Variants in SERINC2 observed in about 807,000 individuals in gnomAD.
SERINC2 encodes tumor differentially expressed protein 2.
Under a neutral mutation model 54.2 loss-of-function variants are expected in SERINC2, and 56 were observed. The observed-to-expected ratio is 1.03, with a 90% CI of 0.83 to 1.29. The LOEUF (loss-of-function observed/expected upper bound fraction) is 1.29, where lower values mean the gene tolerates loss of function less well. SERINC2 is among the 50% of genes most tolerant of loss of function. The pLI is 0.00. For synonymous variants in SERINC2, 272 were observed against 253.1 expected (o/e 1.07, Z -0.71); for missense variants, 614 against 607.4 (o/e 1.01, Z -0.12).
intron 8 of SERINC2, among the ~76,000 whole-genome samples, chr1:31,432,174 T>TAGGGTGGATAGGGTGGATAGGGTGGAC (rs1570070154): frequency 4.1e-5 from 1 of 24,316 alleles, no homozygotes; most frequent in Non-Finnish European, 1.5e-4. Flanking sequence ...ATAGGGTGGA[T>TAGGGTGGATAGGGTGGATAGGGTGGAC]AGGGTGGATA....
chr1:31,415,788 G>A (rs1157049473), intron 1 of SERINC2: 1 of 884,510 alleles, frequency 1.1e-6, no homozygotes, highest in East Asian at 1.2e-4. Flanking sequence ...GCAACTTCAG[G>A]AGGGATTTTT....
At chr1:31,410,270 G>C (rs966169221), upstream of SERINC2, 2 of 1,494,906 alleles carry the variant, frequency 1.3e-6, no homozygotes, top group Non-Finnish European at 1.8e-6. Flanking sequence ...GGGAGTAAAG[G>C]CTGATGGGCT....
Position 31,413,219 on chromosome 1 carries a change from CGCGCCCCGCGCCCGGCGCCGG to C in SERINC2, c.-40_-20del. The C allele has an allele frequency of 9.0e-7, 1 of 1,105,086 alleles. No homozygotes were observed. The highest frequency in any genetic ancestry group is 1.1e-6 in the Non-Finnish European group (1 of 910,188). 68.5% of individuals were successfully genotyped at this position (1,105,086 alleles called of 1,614,324 possible). On this transcript the variant is annotated 5_prime_UTR_variant, in exon 1 of 10. Coordinates refer to ENST00000373709, the MANE Select transcript of SERINC2 (RefSeq NM_178865.5). The surrounding 1 kb of genome is among the most constrained non-coding windows in gnomAD (Gnocchi z 5.0). Reference sequence around the variant, plus strand: ...GGCCCGGCACCCGGATCCCGAGGTCCGCGCCCCGCGCCCGGCGCCGGGCGCCCGAAGCCGGGAGCCGCCGCC... The same window carrying C: ...GGCCCGGCACCCGGATCCCGAGGTCCGCGCCCGAAGCCGGGAGCCGCCGCC...
At chr1:31,432,182 A>ACAGGG (rs1641309331) in intron 8 of SERINC2, among the ~76,000 whole-genome samples, 4 of 137,112 alleles carry the variant, frequency 2.9e-5, no homozygotes, top group African/African-American at 5.7e-5. Context: ...GATAGGGTGG[A>ACAGGG]TAGGGTGGTT....
Position 31,424,767 on chromosome 1 carries a change from G to C in SERINC2, c.286G>C (p.Ala96Pro), listed in dbSNP as rs782086365. The C allele has an allele frequency of 1.2e-6, 2 of 1,611,798 alleles. No homozygotes were observed. The highest frequency in any genetic ancestry group is 1.7e-5 in the Admixed American group (1 of 59,758). The change falls in exon 3 of 10, where the codon GCT (alanine) becomes CCT (proline). Residue 96 changes from alanine (A) to proline (P), a missense_variant. Ala to Pro is a conservative substitution (Grantham distance 27). Transcript: ENST00000373709. ...CTGTGGCTCCCTGCTTGGCTACCGCGCTGTCTACCGCATGTGCTTCGCCAC... is the reference window on the plus strand; with the variant it reads ...CTGTGGCTCCCTGCTTGGCTACCGCCCTGTCTACCGCATGTGCTTCGCCAC... ...IDCGSLLGYR[A>P]VYRMCFATAA...
intron 8 of SERINC2, among the ~76,000 whole-genome samples, 161 bp downstream of exon 8, chr1:31,429,699 G>A (rs1553134206): frequency 6.6e-6 from 1 of 152,224 alleles, no homozygotes; most frequent in Non-Finnish European, 1.5e-5. Flanking sequence ...GTCCCTCAGA[G>A]GGCATGGCAT....
At chr1:31,431,902 G>A (rs1641243321) in intron 8 of SERINC2, among the ~76,000 whole-genome samples, 4 of 147,752 alleles carry the variant, frequency 2.7e-5, no homozygotes, top group South Asian at 4.3e-4. Flanking sequence ...GGATAGGGTG[G>A]ATAGGGTGGA....
chr1:31,434,184 C>T lies in SERINC2; in HGVS notation c.1353C>T (p.Asn451=). The T allele has an allele frequency of 6.2e-7, 1 of 1,613,398 alleles. No individual in the cohort carries two copies. ...TGGTAGCCCCACTCCTCCTGCGCAACCGCGACTTCAGCTGAGGCAGCCTCA... is the reference window on the plus strand; with the variant it reads ...TGGTAGCCCCACTCCTCCTGCGCAATCGCGACTTCAGCTGAGGCAGCCTCA... ...WTLVAPLLLR[N]RDFS The change falls in exon 10 of 10, where the codon AAC becomes AAT. Residue 451 remains asparagine (N), a synonymous_variant. Transcript: ENST00000373709.
At chr1:31,430,643 A>G (rs1641170182) in intron 8 of SERINC2, among the ~76,000 whole-genome samples, 1 of 152,238 alleles carries the variant, frequency 6.6e-6, no homozygotes, top group East Asian at 1.9e-4. Flanking sequence ...ACATTTGCAT[A>G]ATATTGTGAA....
upstream of SERINC2, among the ~76,000 whole-genome samples, chr1:31,411,613 G>T (rs1471897326): frequency 6.6e-6 from 1 of 152,084 alleles, no homozygotes; most frequent in African/African-American, 2.4e-5. Context: ...TAGTGGGTTG[G>T]GGGTGAGGGT....
upstream of SERINC2, among the ~76,000 whole-genome samples, chr1:31,410,841 G>T (rs1230905869): frequency 6.6e-6 from 1 of 152,160 alleles, no homozygotes; most frequent in African/African-American, 2.4e-5. Flanking sequence ...ATAGGGAGGG[G>T]TTGGGGGTGA....
intron 5 of SERINC2, 121 bp downstream of exon 5, chr1:31,426,034 CT>C: frequency 9.5e-7 from 1 of 1,055,456 alleles, no homozygotes; most frequent in Non-Finnish European, 1.4e-6. Flanking sequence ...CAGCCACTGC[CT>C]TAGGTCAAGA....
intron 9 of SERINC2, 38 bp from the exon 10 acceptor site, chr1:31,434,026 C>A: frequency 6.2e-7 from 1 of 1,606,102 alleles, no homozygotes. Context: ...AGTCACCAGA[C>A]TGGGCACCAG....
chr1:31,427,506 G>A (rs1641077742), intron 6 of SERINC2, among the ~76,000 whole-genome samples: 1 of 152,132 alleles, frequency 6.6e-6, no homozygotes, highest in Non-Finnish European at 1.5e-5. Context: ...CCCAGAGAAG[G>A]CGATGTCTGT....
intron 8 of SERINC2, among the ~76,000 whole-genome samples, chr1:31,431,805 C>CAGGGTGGTT (rs1641224588): frequency 2.5e-5 from 1 of 40,622 alleles, no homozygotes; most frequent in African/African-American, 6.0e-5. Context: ...ATAGGGTGGA[C>CAGGGTGGTT]AGGGTGGACA....
upstream of SERINC2, among the ~76,000 whole-genome samples, chr1:31,412,000 CAAAAAAAAAAA>C (rs11368197): frequency 2.2e-5 from 1 of 44,506 alleles, no homozygotes; most frequent in Non-Finnish European, 3.9e-5. Context: ...GACCCTGTCT[CAAAAAAAAAAA>C]AAAAAAAAAA....
intron 6 of SERINC2, 123 bp from the exon 7 acceptor site, chr1:31,428,854 TG>T: frequency 1.5e-6 from 1 of 681,734 alleles, no homozygotes; most frequent in East Asian, 2.6e-5. Flanking sequence ...TTTCCCTAAG[TG>T]GGGTGTGGTG....
upstream of SERINC2, chr1:31,413,105 TG>T: frequency 1.0e-6 from 1 of 998,966 alleles, no homozygotes; most frequent in Non-Finnish European, 1.2e-6. The surrounding 1 kb of genome is among the most constrained non-coding windows in gnomAD (Gnocchi z 5.0). Flanking sequence ...CAGGTGAGTC[TG>T]GGGAGGCCCC....
At chr1:31,412,697 TG>T (rs1281362489), upstream of SERINC2, among the ~76,000 whole-genome samples, 1 of 152,158 alleles carries the variant, frequency 6.6e-6, no homozygotes, top group African/African-American at 2.4e-5. Context: ...ACAGTGACGA[TG>T]GGGGCTTACA....
Sources: allele counts gnomAD v4.1 joint callset (sites outside exome capture counted in the v4.1 genomes callset), GRCh38; gene constraint gnomAD v4.1.1; non-coding constraint Gnocchi (gnomAD v3.1); transcripts MANE v1.5; gene names NCBI Gene and HGNC (gene_info 2026-07-23, HGNC 2026-07-21).